The following ERCC6L2 variants were observed in gnomAD, a reference collection of about 807,000 sequenced individuals.
ERCC6L2 encodes the protein DNA excision repair protein ERCC-6-like 2.
ERCC6L2 carries 77 observed loss-of-function variants against 132.0 expected under a neutral mutation model. That is an observed-to-expected ratio of 0.58 (90% CI 0.49 to 0.71). ERCC6L2 has a LOEUF of 0.71. Ranked by LOEUF, ERCC6L2 falls within the 30% of genes least tolerant of loss-of-function variation. ERCC6L2 has a pLI of 0.00. For synonymous variants in ERCC6L2, 583 were observed against 632.4 expected (o/e 0.92, Z 1.17); for missense variants, 1,542 against 1,837.6 (o/e 0.84, Z 2.94).
At chr9:96,031,926 A>G (rs779793889) in intron 19 of ERCC6L2, among the ~76,000 whole-genome samples, 125 of 152,322 alleles carry the variant, frequency 8.2e-4, no homozygotes, top group Admixed American at 4.2e-3. Flanking sequence ...TTCTTTAAAA[A>G]ATTTAGATCC....
chr9:95,923,508 T>C (rs1050454805), intron 9 of ERCC6L2, 129 bp downstream of exon 9: 12 of 1,054,994 alleles, frequency 1.1e-5, no homozygotes, highest in East Asian at 5.0e-5. Context: ...TATGGACAAG[T>C]GGTGCAATTG....
intron 17 of ERCC6L2, among the ~76,000 whole-genome samples, chr9:95,999,234 G>A (rs547362614): frequency 1.2e-3 from 180 of 152,172 alleles, no homozygotes; most frequent in Non-Finnish European, 1.8e-3. Flanking sequence ...GGTGGTGGGC[G>A]CCTGTAGTCC....
At position 96,012,260 on chromosome 9, in the gene ERCC6L2, C is replaced by T. The variant is rs866677625; in HGVS notation, c.3710C>T (p.Ser1237Leu). 2.3e-6 allele frequency: 3 copies of T among 1,289,684 alleles called. No individual in the cohort carries two copies. The highest frequency in any genetic ancestry group is 2.0e-6 in the Non-Finnish European group (2 of 979,082). 79.9% of individuals were successfully genotyped at this position (1,289,684 alleles called of 1,614,324 possible). A position where few individuals can be genotyped will look rare whatever the true frequency, so the allele number is the denominator to read the frequency against. The stretch of plus-strand genomic sequence containing the variant: ...GAAGAAATGGCCTCTTATTTTAACT[C>T]GTCTTCTGTAAACGAATTTGCTAAA... ...QFEEMASYFN[S>L]SSVNEFAKHI... The change falls in exon 19 of 19, where the codon TCG becomes TTG. Residue 1237 changes from serine to leucine, a missense_variant. Around this residue, in one of 4 missense-constraint regions of ERCC6L2, gnomAD observed 442 missense variants for 583.4 expected, o/e 0.76. Transcript: ENST00000653738.
At chr9:95,908,843 A>C (rs1048701651) in intron 4 of ERCC6L2, among the ~76,000 whole-genome samples, 1 of 152,184 alleles carries the variant, frequency 6.6e-6, no homozygotes, top group South Asian at 2.1e-4. Context: ...AGTCAACCGA[A>C]GTTTAGAAAA....
In ERCC6L2 at chr9:95,972,897, C is replaced by T. The variant is rs753765318; in HGVS notation, c.3146C>T (p.Ser1049Phe). The T allele has an allele frequency of 3.1e-6, 4 of 1,305,398 alleles. No homozygotes were observed. In the South Asian group the frequency reaches 4.9e-5, roughly 16 times the overall value. The allele number at this position is 1,305,398 out of a possible 1,614,324, so 80.9% of individuals were successfully genotyped here. The change falls in exon 16 of 19, where the codon TCC becomes TTC. Residue 1049 changes from serine to phenylalanine, a missense_variant. Ser to Phe is a radical substitution (Grantham distance 155, BLOSUM62 -2). This residue lies in a region of ERCC6L2 where 945 missense variants were observed against 1,105.2 expected (regional missense o/e 0.86). Transcript: ENST00000653738. ...DDYSSSDESL[S>F]VSHFSFSKQS... ...TATTCATCCTCAGATGAGAGTTTAT[C>T]CGTCAGCCACTTCAGTTTCTCTAAA...
intron 12 of ERCC6L2, among the ~76,000 whole-genome samples, chr9:95,945,134 T>C (rs1830993713): frequency 6.6e-6 from 1 of 152,126 alleles, no homozygotes; most frequent in Non-Finnish European, 1.5e-5. Flanking sequence ...ATCCCTACAG[T>C]AGTGACCATA....
intron 11 of ERCC6L2, among the ~76,000 whole-genome samples, chr9:95,938,658 A>G (rs1830664113): frequency 6.6e-6 from 1 of 151,972 alleles, no homozygotes; most frequent in African/African-American, 2.4e-5. Context: ...TTTCTTTAAT[A>G]ATTGCCTGGT....
intron 11 of ERCC6L2, among the ~76,000 whole-genome samples, chr9:95,929,546 A>G (rs1164880812): frequency 6.6e-6 from 1 of 150,710 alleles, no homozygotes; most frequent in Non-Finnish European, 1.5e-5. Flanking sequence ...TTAAAAATAA[A>G]CATATATAAA....
chr9:95,887,006 G>A (rs564793867), intron 2 of ERCC6L2, among the ~76,000 whole-genome samples: 4 of 152,150 alleles, frequency 2.6e-5, no homozygotes, highest in Admixed American at 1.3e-4. Flanking sequence ...GGCTCTCCTT[G>A]CTCTTCAGCC....
intron 19 of ERCC6L2, among the ~76,000 whole-genome samples, chr9:96,030,638 C>T (rs1448999221): frequency 2.1e-5 from 3 of 145,386 alleles, no homozygotes; most frequent in Non-Finnish European, 3.0e-5. Context: ...GGAGGCGGAG[C>T]TTGCAGTGAG....
chr9:96,030,689 G>A (rs1249905635), intron 19 of ERCC6L2, among the ~76,000 whole-genome samples: 1 of 132,882 alleles, frequency 7.5e-6, no homozygotes, highest in Non-Finnish European at 1.6e-5. Context: ...GCGACAAAGC[G>A]AGACTCCATC....
At chr9:95,893,133 A>G (rs1025891292) in intron 2 of ERCC6L2, among the ~76,000 whole-genome samples, 15 of 152,324 alleles carry the variant, frequency 9.8e-5, no homozygotes, top group African/African-American at 3.4e-4. Context: ...CTAATAATGT[A>G]CTGCTTCAGA....
chr9:95,900,578 G>T (rs926810333), intron 3 of ERCC6L2, among the ~76,000 whole-genome samples: 4 of 152,138 alleles, frequency 2.6e-5, no homozygotes, highest in African/African-American at 9.7e-5. Context: ...GATGATGGGA[G>T]GGCTGAACCC....
chr9:95,959,129 A>G (rs1416405730), intron 13 of ERCC6L2, among the ~76,000 whole-genome samples: 3 of 151,984 alleles, frequency 2.0e-5, no homozygotes, highest in Non-Finnish European at 2.9e-5. Context: ...ACTTCAAACT[A>G]TACTACAAGG....
intron 7 of ERCC6L2, 131 bp downstream of exon 7, chr9:95,921,446 AG>A (rs1489650190): frequency 1.0e-5 from 6 of 582,736 alleles, no homozygotes; most frequent in South Asian, 9.6e-5. Flanking sequence ...CTTAAAAAAT[AG>A]TTTTCAAAAA....
At chr9:96,004,899 G>T in intron 18 of ERCC6L2, 198 bp downstream of exon 18, 2 of 336,448 alleles carry the variant, frequency 5.9e-6, no homozygotes, top group Non-Finnish European at 1.2e-5. Flanking sequence ...ACCATAAAAA[G>T]GGAAATCATG....
chr9:95,886,776 A>G (rs559586552), intron 2 of ERCC6L2, among the ~76,000 whole-genome samples: 1 of 152,210 alleles, frequency 6.6e-6, no homozygotes, highest in Non-Finnish European at 1.5e-5. Flanking sequence ...GGGTGATGCC[A>G]AAAGAGATTA....
intron 17 of ERCC6L2, among the ~76,000 whole-genome samples, chr9:96,000,953 G>T (rs1833649833): frequency 6.6e-6 from 1 of 152,170 alleles, no homozygotes; most frequent in Admixed American, 6.5e-5. Context: ...TGTGTCTGGA[G>T]TCTGTCCCTT....
chr9:95,905,361 A>T (rs1288559173), intron 3 of ERCC6L2, among the ~76,000 whole-genome samples: 1 of 152,230 alleles, frequency 6.6e-6, no homozygotes, highest in African/African-American at 2.4e-5. Context: ...TGTAAGAAAT[A>T]TCAAGAATTA....
Sources: gnomAD v4.1 joint callset for allele counts (sites outside exome capture counted in the v4.1 genomes callset) on GRCh38, gnomAD v4.1.1 for gene constraint, gnomAD v4.1.1 regional missense constraint, MANE v1.5 for transcripts, NCBI Gene and HGNC (gene_info 2026-07-23, HGNC 2026-07-21) for gene names.